The following MYO10 variants were observed in gnomAD, a reference collection of about 807,000 sequenced individuals.
The protein encoded by MYO10 is myosin X, also known as unconventional myosin-X.
Under a neutral mutation model 257.3 loss-of-function variants are expected in MYO10, and 133 were observed. That is an observed-to-expected ratio of 0.52 (90% confidence interval 0.45 to 0.60). The LOEUF is 0.60. Among genes scored for constraint, MYO10 ranks in the 20% least tolerant of loss-of-function variants. The pLI, the probability that MYO10 is intolerant of heterozygous loss-of-function variation, is 0.00. For missense variants in MYO10, 2,399 were observed against 2,635.7 expected, an observed-to-expected ratio of 0.91 and a Z score of 1.97; for synonymous variants, 1,104 against 1,028.6, an observed-to-expected ratio of 1.07 and a Z score of -1.40.
At chr5:16,807,120 C>G (rs1742300229) in intron 3 of MYO10, among the ~76,000 whole-genome samples, 1 of 152,158 alleles carries the variant, frequency 6.6e-6, no homozygotes, top group African/African-American at 2.4e-5. Context: ...TTATTTCGTA[C>G]TCACCATCCC....
intron 2 of MYO10, among the ~76,000 whole-genome samples, chr5:16,851,795 G>C (rs147713156): frequency 6.6e-6 from 1 of 152,144 alleles, no homozygotes; most frequent in Admixed American, 6.5e-5. Context: ...GCTCATGCCT[G>C]TAATCCCAGC....
At chr5:16,734,602 C>T (rs1739715328) in intron 19 of MYO10, among the ~76,000 whole-genome samples, 1 of 151,960 alleles carries the variant, frequency 6.6e-6, no homozygotes, top group South Asian at 2.1e-4. Context: ...GTCAGGAGTT[C>T]GAGACCAGCC....
At chr5:16,886,133 C>T (rs1461873833) in intron 1 of MYO10, among the ~76,000 whole-genome samples, 1 of 152,148 alleles carries the variant, frequency 6.6e-6, no homozygotes, top group Non-Finnish European at 1.5e-5. Context: ...GCCATGTAGG[C>T]CCTGAAAGGA....
intron 1 of MYO10, among the ~76,000 whole-genome samples, chr5:16,911,098 T>G (rs1745645715): frequency 6.6e-6 from 1 of 151,932 alleles, no homozygotes; most frequent in South Asian, 2.1e-4. Flanking sequence ...AGGCCAGGAG[T>G]GTGAGACCAG....
chr5:16,920,193 G>C (rs373224384), intron 1 of MYO10, among the ~76,000 whole-genome samples: 1 of 152,150 alleles, frequency 6.6e-6, no homozygotes, highest in Non-Finnish European at 1.5e-5. Flanking sequence ...AGAATCACTT[G>C]AACCCGGGAG....
intron 3 of MYO10, among the ~76,000 whole-genome samples, chr5:16,795,959 G>A (rs1053220680): frequency 1.3e-5 from 2 of 152,034 alleles, no homozygotes; most frequent in African/African-American, 4.8e-5. Context: ...GGGGGCCGAG[G>A]TGCGAGGATC....
At chr5:16,835,753 G>A (rs1442730568) in intron 2 of MYO10, among the ~76,000 whole-genome samples, 3 of 148,994 alleles carry the variant, frequency 2.0e-5, no homozygotes, top group Non-Finnish European at 4.4e-5. Context: ...CAGAAGGCCA[G>A]AAAGAAGAAA....
chr5:16,794,624 G>A (rs750838571), intron 4 of MYO10, 22 bp downstream of exon 4: 5 of 1,586,974 alleles, frequency 3.2e-6, no homozygotes, highest in African/African-American at 1.3e-5. Flanking sequence ...GGGAAAGTCC[G>A]ACTGGCTGTG....
intron 1 of MYO10, among the ~76,000 whole-genome samples, chr5:16,918,811 AT>A (rs1356898168): frequency 6.6e-6 from 1 of 151,898 alleles, no homozygotes; most frequent in African/African-American, 2.4e-5. Flanking sequence ...CACTGAAAGT[AT>A]TTTTCGAGCC....
At position 16,794,711 on chromosome 5, in the gene MYO10, G is replaced by A. The variant is rs767933190; in HGVS notation, c.402C>T (p.Phe134=). ...RHLGELPPHI[F]AIANECYRCL... is the part of the protein sequence containing the mutation. ...AGCGGTAGCACTCGTTGGCGATGGC[G>A]AAGATGTGCGGGGGCAGCTCGCCCA... Residue 134 remains phenylalanine (F), a synonymous_variant, in exon 4 of 41, where the codon TTC becomes TTT. Coordinates refer to ENST00000513610, the MANE Select transcript of MYO10 (RefSeq NM_012334.3). 10 of 1,613,506 alleles carry A rather than the reference G, an allele frequency of 6.2e-6. No individual in the cohort carries two copies. The East Asian group carries it at 6.7e-5, about 11-fold the overall frequency.
intron 4 of MYO10, among the ~76,000 whole-genome samples, chr5:16,793,980 A>T (rs908106315): frequency 3.3e-5 from 5 of 152,150 alleles, no homozygotes; most frequent in African/African-American, 1.2e-4. Flanking sequence ...GTTTCTAGTA[A>T]TAAAGGAGCT....
At chr5:16,887,045 T>A (rs1744917537) in intron 1 of MYO10, among the ~76,000 whole-genome samples, 1 of 151,902 alleles carries the variant, frequency 6.6e-6, no homozygotes, top group South Asian at 2.1e-4. Context: ...GGTTGTAAAC[T>A]GAGGCCTGCC....
In MYO10 at chr5:16,783,732, T is replaced by C. The variant is rs184570608; in HGVS notation, c.468-263A>G. On this transcript the variant is annotated intron_variant, in intron 4 of 40. Coordinates refer to ENST00000513610, the MANE Select transcript of MYO10 (RefSeq NM_012334.3). ...CTTTTCCTAAGGAAAGGTCATAAGATGTATGGTGCCTCACAGGGAAGGTAA... is the reference window on the plus strand; with the variant it reads ...CTTTTCCTAAGGAAAGGTCATAAGACGTATGGTGCCTCACAGGGAAGGTAA... 2.4e-3 allele frequency among the ~76,000 whole-genome samples: 365 copies of C among 152,302 alleles called. 4 individuals carry two copies. The highest frequency in any genetic ancestry group is 8.5e-3 in the African/African-American group (354 of 41,562).
At chr5:16,676,521 C>A (rs949394685) in intron 33 of MYO10, among the ~76,000 whole-genome samples, 1 of 152,136 alleles carries the variant, frequency 6.6e-6, no homozygotes, top group Non-Finnish European at 1.5e-5. Flanking sequence ...TCGAGACCAG[C>A]CTGACCAACA....
At chr5:16,915,930 C>T (rs1561057315) in intron 1 of MYO10, 2 of 422,116 alleles carry the variant, frequency 4.7e-6, no homozygotes, top group Non-Finnish European at 9.4e-6. Flanking sequence ...GCACTCCAGC[C>T]TGGGCGACAG....
rs1738139748 is a variant in MYO10 at position 16,702,692 on chromosome 5, TGAAA to T, written c.2511-108_2511-105del. 3 of 1,153,218 alleles carry T rather than the reference TGAAA, an allele frequency of 2.6e-6. No homozygotes were observed. In the South Asian group the frequency reaches 4.3e-5, roughly 16 times the overall value. 71.4% of individuals were successfully genotyped at this position (1,153,218 alleles called of 1,614,324 possible). A position where few individuals can be genotyped will look rare whatever the true frequency, so the allele number is the denominator to read the frequency against. Reference sequence around the variant, plus strand: ...ACAGCTTTGCCAAAGACAGAAAGCATGAAAGACAGAGCCCCTTCCTCTGGCCATG... The same window carrying T: ...ACAGCTTTGCCAAAGACAGAAAGCATGACAGAGCCCCTTCCTCTGGCCATG... On this transcript the variant is annotated intron_variant, in intron 23 of 40. Transcript: ENST00000513610.
At chr5:16,864,252 T>G (rs1744183052) in intron 2 of MYO10, among the ~76,000 whole-genome samples, 1 of 152,040 alleles carries the variant, frequency 6.6e-6, no homozygotes, top group South Asian at 2.1e-4. Context: ...GCCATTCTGA[T>G]GACTTATTTG....
intron 2 of MYO10, 50 bp downstream of exon 2, chr5:16,877,559 G>T (rs748672243): frequency 6.8e-7 from 1 of 1,463,430 alleles, no homozygotes; most frequent in Non-Finnish European, 9.5e-7. Flanking sequence ...GGCACGAATA[G>T]CTACAAAGCA....
In MYO10 at chr5:16,701,114, T is replaced by C. The variant is rs375959306; in HGVS notation, c.3281A>G (p.Asp1094Gly). 2.7e-5 allele frequency: 43 copies of C among 1,593,282 alleles called. No homozygotes were observed. In the East Asian group the frequency reaches 3.2e-4, roughly 12 times the overall value. ...AGTGATGGCACCGTCCTCATAGTCA[T>C]CCTGGTCGTAGTCGTAGTCGCCGTC... ...SPDGDYDYDQDDYEDGAITSG... is the reference protein window; with the variant it reads ...SPDGDYDYDQGDYEDGAITSG... Residue 1094 changes from aspartate (D) to glycine (G), a missense_variant, in exon 25 of 41, where the codon GAT (aspartate) becomes GGT (glycine). Physicochemically the swap from Asp to Gly is moderately conservative, Grantham distance 94. Coordinates refer to ENST00000513610, the MANE Select transcript of MYO10 (RefSeq NM_012334.3). This position sits in a 1 kb window ranked among gnomAD's most constrained non-coding sequence, Gnocchi z 8.1.
Sources: allele counts gnomAD v4.1 joint callset (sites outside exome capture counted in the v4.1 genomes callset), GRCh38; gene constraint gnomAD v4.1.1; non-coding constraint Gnocchi (gnomAD v3.1); transcripts MANE v1.5; gene names NCBI Gene and HGNC (gene_info 2026-07-23, HGNC 2026-07-21).